The following GMEB2 variants were observed in gnomAD, a reference collection of about 807,000 sequenced individuals.
GMEB2 encodes glucocorticoid modulatory element binding protein 2, also known as glucocorticoid modulatory element-binding protein 2.
In GMEB2, 7 loss-of-function variants were observed where a neutral mutation model predicts 45.7. The ratio of observed to expected loss-of-function variants is 0.15; its 90% CI spans 0.09 to 0.29. GMEB2 has a LOEUF of 0.29. GMEB2 is among the 10% of genes least tolerant of loss of function. The pLI is 1.00. For missense variants in GMEB2, 582 were observed against 739.2 expected (o/e 0.79, Z 2.47); for synonymous variants, 322 against 323.6 (o/e 1.00, Z 0.05).
chr20:63,621,634 T>A (rs1401504157), intron 1 of GMEB2, among the ~76,000 whole-genome samples: 4 of 115,958 alleles, frequency 3.4e-5, no homozygotes, highest in Non-Finnish European at 6.4e-5. Context: ...GCCACTGCAC[T>A]CCAGCCTGGG....
chr20:63,621,438 G>A (rs988754127), intron 1 of GMEB2, among the ~76,000 whole-genome samples: 6 of 152,114 alleles, frequency 3.9e-5, no homozygotes, highest in Non-Finnish European at 5.9e-5. Flanking sequence ...CACTTTGGGA[G>A]GCGGATCGCC....
At chr20:63,626,007 A>C (rs1431744282) in intron 1 of GMEB2, among the ~76,000 whole-genome samples, 1 of 152,258 alleles carries the variant, frequency 6.6e-6, no homozygotes, top group African/African-American at 2.4e-5. Context: ...TTCAACAGAA[A>C]AGTCAGTCAC....
intron 2 of GMEB2, among the ~76,000 whole-genome samples, chr20:63,610,988 G>A (rs1030658915): frequency 2.6e-5 from 4 of 152,226 alleles, no homozygotes; most frequent in Non-Finnish European, 5.9e-5. Flanking sequence ...CCAATGCCCG[G>A]ATATGCAAGT....
chr20:63,614,976 T>C (rs1361682442), intron 2 of GMEB2, among the ~76,000 whole-genome samples: 1 of 152,126 alleles, frequency 6.6e-6, no homozygotes, highest in African/African-American at 2.4e-5. Context: ...GTGGTAGTGG[T>C]CCCCCAGGCC....
chr20:63,614,544 T>C (rs959003291), intron 2 of GMEB2, among the ~76,000 whole-genome samples: 53 of 152,164 alleles, frequency 3.5e-4, no homozygotes, highest in Admixed American at 3.3e-4. Context: ...CGGGGGAGTT[T>C]AGAGAAGACT....
rs910731719 is a variant in GMEB2, at chr20:63,593,913, G to A, written c.620-831C>T. Among the ~76,000 whole-genome samples the A allele has an allele frequency of 2.6e-5, 4 of 152,312 alleles. No individual in the cohort carries two copies. The highest frequency in any genetic ancestry group is 2.9e-5 in the Non-Finnish European group (2 of 68,044). ...CGTGCGCCTGTAATCCCAGCTACTCGGGAGGCTGAGGCAGGAGAATCGCTA... is the reference window on the plus strand; with the variant it reads ...CGTGCGCCTGTAATCCCAGCTACTCAGGAGGCTGAGGCAGGAGAATCGCTA... On this transcript the variant is annotated intron_variant, in intron 6 of 9. Transcript: ENST00000370077. The surrounding 1 kb of genome is among the most constrained non-coding windows in gnomAD (Gnocchi z 4.7).
chr20:63,593,809 G>A lies in GMEB2; in HGVS notation c.620-727C>T, dbSNP rs376547923. On this transcript the variant is annotated intron_variant, in intron 6 of 9. Transcript: ENST00000370077. The surrounding 1 kb of genome is among the most constrained non-coding windows in gnomAD (Gnocchi z 4.7). ...GACTGAGGCGGGTGGATCACCTAAG[G>A]TCAGGAGTTCGAGAACAGCCTGGGC... 7.2e-5 allele frequency among the ~76,000 whole-genome samples: 11 copies of A among 152,190 alleles called. No individual in the cohort carries two copies. In the East Asian group the frequency reaches 1.5e-3, roughly 21 times the overall value.
chr20:63,592,524 G>C lies in GMEB2; in HGVS notation c.829+9C>G. Reference sequence around the variant, plus strand: ...AGTAGCCAGCAAGAGGGAAGATGCAGCTTCTCACCTCGAAGCTGCAGGGGA... The same window carrying C: ...AGTAGCCAGCAAGAGGGAAGATGCACCTTCTCACCTCGAAGCTGCAGGGGA... On this transcript the variant is annotated intron_variant, in intron 8 of 9. Transcript: ENST00000370077. This position sits in a 1 kb window ranked among gnomAD's most constrained non-coding sequence, Gnocchi z 8.2. 6.2e-7 allele frequency: 1 copy of C among 1,605,294 alleles called. No homozygotes were observed. The highest frequency in any genetic ancestry group is 1.3e-5 in the African/African-American group (1 of 74,662).
chr20:63,588,716 C>G lies in GMEB2; in HGVS notation c.*1373G>C. On this transcript the variant is annotated 3_prime_UTR_variant, in exon 10 of 10. Coordinates refer to ENST00000370077, the MANE Select transcript of GMEB2 (RefSeq NM_012384.5). ...GACCCTCGCATTGCGGGGCCTCAGACGGGCCTTCAACTGCCGACAGAATCA... is the reference window on the plus strand; with the variant it reads ...GACCCTCGCATTGCGGGGCCTCAGAGGGGCCTTCAACTGCCGACAGAATCA... 1 of 398,708 alleles carries G rather than the reference C, an allele frequency of 2.5e-6. No homozygotes were observed. Among genetic ancestry groups the G allele is most frequent in the South Asian group, 1.3e-4 (1 of 7,816 alleles). 24.7% of individuals were successfully genotyped at this position (398,708 alleles called of 1,614,324 possible).
intron 2 of GMEB2, among the ~76,000 whole-genome samples, chr20:63,618,775 G>A (rs2089625825): frequency 6.6e-6 from 1 of 152,190 alleles, no homozygotes; most frequent in Non-Finnish European, 1.5e-5. Flanking sequence ...CACAGCAGGA[G>A]CAGCTCTGCC....
intron 4 of GMEB2, among the ~76,000 whole-genome samples, chr20:63,602,433 C>G (rs2083248506): frequency 6.6e-6 from 1 of 152,244 alleles, no homozygotes; most frequent in African/African-American, 2.4e-5. Context: ...AAACCAAGCT[C>G]AGGCCAAGGC....
At position 63,590,057 on chromosome 20, in the gene GMEB2, T is replaced by C; in HGVS notation, c.*32A>G. Reference sequence around the variant, plus strand: ...GCCGCGGCTGAGAGACAGCCAGCCCTGTCCGTCCCAGGGGCCTCGCCCTCC... The same window carrying C: ...GCCGCGGCTGAGAGACAGCCAGCCCCGTCCGTCCCAGGGGCCTCGCCCTCC... On this transcript the variant is annotated 3_prime_UTR_variant, in exon 10 of 10. Coordinates refer to ENST00000370077, the MANE Select transcript of GMEB2 (RefSeq NM_012384.5). 1.3e-6 allele frequency: 2 copies of C among 1,489,286 alleles called. No individual in the cohort carries two copies. The highest frequency in any genetic ancestry group is 1.8e-6 in the Non-Finnish European group (2 of 1,123,154). The allele number at this position is 1,489,286 out of a possible 1,614,324, so 92.3% of individuals were successfully genotyped here.
chr20:63,615,923 CAG>C (rs933206575), intron 2 of GMEB2, among the ~76,000 whole-genome samples: 9 of 152,172 alleles, frequency 5.9e-5, no homozygotes, highest in Non-Finnish European at 1.5e-5. Context: ...TCGATATAAA[CAG>C]AACATCTGGA....
chr20:63,602,549 ATC>A (rs2083249360), intron 4 of GMEB2, among the ~76,000 whole-genome samples: 1 of 152,222 alleles, frequency 6.6e-6, no homozygotes, highest in Non-Finnish European at 1.5e-5. Context: ...GTGAGGCAGC[ATC>A]TGTAAGATGC....
chr20:63,589,927 C>T lies in GMEB2; in HGVS notation c.*162G>A, dbSNP rs534074496. On this transcript the variant is annotated 3_prime_UTR_variant, in exon 10 of 10. Transcript: ENST00000370077. ...CAGGTTGCTCTCGCTGTTCTGTCCC[C>T]TTCTCTCTTCTCGTGATTTGTTTTG... is the stretch of plus-strand genomic sequence containing the variant. The T allele has an allele frequency of 3.8e-6, 2 of 525,202 alleles. No homozygotes were observed. The highest frequency in any genetic ancestry group is 3.2e-5 in the East Asian group (1 of 30,958). 32.5% of individuals were successfully genotyped at this position (525,202 alleles called of 1,614,324 possible). A position where few individuals can be genotyped will look rare whatever the true frequency, so the allele number is the denominator to read the frequency against.
At chr20:63,600,717 CA>C (rs34633546) in intron 4 of GMEB2, among the ~76,000 whole-genome samples, 989 of 84,604 alleles carry the variant, frequency 0.012, 9 homozygotes, top group African/African-American at 0.044. Flanking sequence ...GACTCCATCT[CA>C]AAAAAAAAAA....
intron 4 of GMEB2, among the ~76,000 whole-genome samples, chr20:63,599,670 G>A (rs1401782401): frequency 6.6e-6 from 1 of 152,124 alleles, no homozygotes; most frequent in Non-Finnish European, 1.5e-5. Context: ...CGTCCTTCTG[G>A]AATTTCATTA....
chr20:63,611,339 G>A (rs887583686), intron 2 of GMEB2, among the ~76,000 whole-genome samples: 16 of 152,238 alleles, frequency 1.1e-4, no homozygotes, highest in Admixed American at 5.2e-4. Context: ...CAGGCTGGGC[G>A]TGGTGGCTCA....
intron 1 of GMEB2, among the ~76,000 whole-genome samples, 200 bp downstream of exon 1, chr20:63,626,756 C>CCCGCCACCGCCCGCGCCCGCCA (rs1555895567): frequency 3.5e-4 from 52 of 147,148 alleles, no homozygotes; most frequent in African/African-American, 1.2e-3. Flanking sequence ...GCCGCCCGCG[C>CCCGCCACCGCCCGCGCCCGCCA]CCGCCACCGC....
Sources: gnomAD v4.1 joint callset for allele counts (sites outside exome capture counted in the v4.1 genomes callset) on GRCh38, gnomAD v4.1.1 for gene constraint, Gnocchi (gnomAD v3.1) non-coding constraint, MANE v1.5 for transcripts, NCBI Gene and HGNC (gene_info 2026-07-23, HGNC 2026-07-21) for gene names.